Variants in TRPM3 observed in about 807,000 individuals in gnomAD.
TRPM3 encodes the protein transient receptor potential cation channel subfamily M member 3.
In TRPM3, 77 loss-of-function variants were observed where a neutral mutation model predicts 181.2. The observed-to-expected ratio is 0.42, with a 90% CI of 0.35 to 0.51. The LOEUF is 0.51. Ranked by LOEUF, TRPM3 falls within the 20% of genes least tolerant of loss-of-function variation. The pLI is 0.01. For synonymous variants in TRPM3, 745 were observed against 796.4 expected (o/e 0.94, Z 1.09); for missense variants, 1,759 against 2,196.7 (o/e 0.80, Z 3.98).
At chr9:70,644,754 G>T (rs2058565945) in intron 9 of TRPM3, among the ~76,000 whole-genome samples, 1 of 152,208 alleles carries the variant, frequency 6.6e-6, no homozygotes, top group Admixed American at 6.5e-5. Flanking sequence ...AACAGGAAGA[G>T]AGGAAGTCAA....
At chr9:70,803,644 G>A (rs2089905522) in intron 6 of TRPM3, among the ~76,000 whole-genome samples, 1 of 151,758 alleles carries the variant, frequency 6.6e-6, no homozygotes, top group Non-Finnish European at 1.5e-5. Context: ...CAAAGACGGG[G>A]TTTCACCGTG....
At chr9:71,275,084 T>A (rs73647997) in intron 1 of TRPM3, among the ~76,000 whole-genome samples, 4,425 of 152,168 alleles carry the variant, frequency 0.029, 122 homozygotes, top group East Asian at 0.075. Context: ...AATAAAAGCA[T>A]AAGAATTACA....
At chr9:71,293,284 G>A (rs964272532) in intron 1 of TRPM3, among the ~76,000 whole-genome samples, 1 of 151,738 alleles carries the variant, frequency 6.6e-6, no homozygotes, top group African/African-American at 2.4e-5. Context: ...CTTTGATTGT[G>A]AGTCAATGCA....
chr9:70,611,236 A>T (rs544949823), intron 18 of TRPM3, among the ~76,000 whole-genome samples: 1 of 151,428 alleles, frequency 6.6e-6, no homozygotes, highest in South Asian at 2.1e-4. Context: ...GAGGTAAATT[A>T]TCTGCTGTGC....
intron 1 of TRPM3, among the ~76,000 whole-genome samples, chr9:70,972,709 G>A (rs2184851): frequency 0.26 from 39,789 of 151,870 alleles, 5,308 homozygotes; most frequent in Admixed American, 0.3. Context: ...ATAAGTCTTC[G>A]GACTTGAATC....
At position 70,639,042 on chromosome 9, in the gene TRPM3, G is replaced by T. The variant is rs2057662109; in HGVS notation, c.1581+18C>A. On this transcript the variant is annotated intron_variant, in intron 11 of 25. Transcript: ENST00000677713. Reference sequence around the variant, plus strand: ...ACAGAAAAAAAAGAAAATAAAAAGTGCCTTAGTTTGGCCCTACCGTATTGT... The same window carrying T: ...ACAGAAAAAAAAGAAAATAAAAAGTTCCTTAGTTTGGCCCTACCGTATTGT... 8 of 1,609,192 alleles carry T rather than the reference G, an allele frequency of 5.0e-6. No homozygotes were observed. Among genetic ancestry groups the T allele is most frequent in the Non-Finnish European group, 6.8e-6 (8 of 1,178,336 alleles).
intron 1 of TRPM3, among the ~76,000 whole-genome samples, chr9:71,292,044 C>T (rs573713745): frequency 6.6e-6 from 1 of 152,012 alleles, no homozygotes; most frequent in South Asian, 2.1e-4. Context: ...ACAAGAAGAG[C>T]AGGCAGAATA....
chr9:70,839,303 A>G (rs2094504667), intron 5 of TRPM3, among the ~76,000 whole-genome samples: 1 of 152,152 alleles, frequency 6.6e-6, no homozygotes, highest in Non-Finnish European at 1.5e-5. Context: ...AATGCTCTAC[A>G]CTTAAGTAAC....
intron 1 of TRPM3, among the ~76,000 whole-genome samples, chr9:71,332,379 GTGT>G (rs1371867155): frequency 4.7e-5 from 6 of 127,542 alleles, no homozygotes; most frequent in African/African-American, 1.6e-4. Context: ...AATGTTGGGT[GTGT>G]GTGTGTGTGT....
At chr9:70,948,950 G>T (rs2096965349) in intron 1 of TRPM3, among the ~76,000 whole-genome samples, 1 of 152,028 alleles carries the variant, frequency 6.6e-6, no homozygotes, top group Non-Finnish European at 1.5e-5. Context: ...GCTGATCCTG[G>T]CATTTTTCTT....
chr9:71,346,295 A>G lies in TRPM3; in HGVS notation c.183+100358T>C, dbSNP rs541707032. Among the ~76,000 whole-genome samples the G allele has an allele frequency of 3.3e-5, 5 of 152,342 alleles. 1 individual carries two copies. Among genetic ancestry groups the G allele is most frequent in the Admixed American group, 2.6e-4 (4 of 15,290 alleles). On this transcript the variant is annotated intron_variant, in intron 1 of 24. Coordinates refer to the TRPM3 transcript ENST00000357533. ...GACTTTAAAAAATTGTTTAATTTGC[A>G]TGCAATAAAGTTAACAACAAAATCT... is the stretch of plus-strand genomic sequence containing the variant.
At chr9:71,325,324 C>T (rs555755441) in intron 1 of TRPM3, among the ~76,000 whole-genome samples, 3 of 152,210 alleles carry the variant, frequency 2.0e-5, no homozygotes, top group East Asian at 3.9e-4. Context: ...AGCAAGGAAA[C>T]GTGCTGATAT....
intron 8 of TRPM3, among the ~76,000 whole-genome samples, chr9:70,741,116 A>G (rs967213312): frequency 5.3e-5 from 8 of 152,228 alleles, no homozygotes; most frequent in Admixed American, 1.3e-4. Context: ...TCAGCAAGGA[A>G]AAAACAAACA....
chr9:71,300,807 T>C (rs145809330), intron 1 of TRPM3, among the ~76,000 whole-genome samples: 1 of 152,248 alleles, frequency 6.6e-6, no homozygotes, highest in African/African-American at 2.4e-5. Context: ...GGAAAAATCT[T>C]CTAAAGCCAA....
chr9:71,164,717 G>A (rs2076453895), intron 1 of TRPM3, among the ~76,000 whole-genome samples: 1 of 152,028 alleles, frequency 6.6e-6, no homozygotes, highest in African/African-American at 2.4e-5. Flanking sequence ...AAAAACAGAG[G>A]TGCCAGATAG....
chr9:70,571,564 T>C (rs1343589097), intron 22 of TRPM3, among the ~76,000 whole-genome samples: 2 of 152,040 alleles, frequency 1.3e-5, no homozygotes, highest in African/African-American at 2.4e-5. Flanking sequence ...TTTTTGAGAG[T>C]AGACCATTTT....
intron 22 of TRPM3, among the ~76,000 whole-genome samples, chr9:70,568,835 T>C (rs2051363197): frequency 6.6e-6 from 1 of 152,248 alleles, no homozygotes; most frequent in Non-Finnish European, 1.5e-5. Context: ...TCCTTTTGTC[T>C]GGGTCAGTGG....
intron 1 of TRPM3, among the ~76,000 whole-genome samples, chr9:71,395,660 C>A (rs2093173197): frequency 6.6e-6 from 1 of 152,192 alleles, no homozygotes; most frequent in Non-Finnish European, 1.5e-5. Context: ...TTGTTTCAAT[C>A]TTTTGAAAGA....
intron 1 of TRPM3, among the ~76,000 whole-genome samples, chr9:71,261,355 A>T (rs1320824317): frequency 6.6e-6 from 1 of 152,144 alleles, no homozygotes. Flanking sequence ...CAGCTCCATC[A>T]GGTCATTTAT....
Sources: gnomAD v4.1 joint callset for allele counts (sites outside exome capture counted in the v4.1 genomes callset) on GRCh38, gnomAD v4.1.1 for gene constraint, MANE v1.5 for transcripts, NCBI Gene and HGNC (gene_info 2026-07-23, HGNC 2026-07-21) for gene names.